The following PCSK5 variants were observed in gnomAD, a reference collection of about 807,000 sequenced individuals.
PCSK5 encodes the protein proprotein convertase subtilisin/kexin type 5, also known as prohormone convertase 5.
PCSK5 carries 129 observed loss-of-function variants against 233.2 expected under a neutral mutation model. The observed-to-expected ratio is 0.55, with a 90% CI of 0.48 to 0.64. The LOEUF is 0.64. Among genes scored for constraint, PCSK5 ranks in the 30% least tolerant of loss-of-function variants. The probability of loss-of-function intolerance (pLI) is 0.00; values close to 1 mark genes in which losing one functional copy is unlikely to be tolerated. For missense variants in PCSK5, 2,076 were observed against 2,430.1 expected, an observed-to-expected ratio of 0.85 and a Z score of 3.06; for synonymous variants, 825 against 879.2, an observed-to-expected ratio of 0.94 and a Z score of 1.09.
intron 11 of PCSK5, among the ~76,000 whole-genome samples, chr9:76,157,907 A>G (rs1278575471): frequency 6.6e-6 from 1 of 152,256 alleles, no homozygotes; most frequent in Non-Finnish European, 1.5e-5. Flanking sequence ...GCCAAGGGCT[A>G]GACACTTCAT....
chr9:76,238,795 T>C (rs1826333485), intron 22 of PCSK5, among the ~76,000 whole-genome samples, 164 bp from the exon 23 acceptor site: 1 of 152,234 alleles, frequency 6.6e-6, no homozygotes, highest in African/African-American at 2.4e-5. Context: ...ACTACAAGGA[T>C]GTAGCTATTG....
rs970380469 is a variant in PCSK5 at position 76,355,608 on chromosome 9, C to A, written c.5254+1389C>A. 5.6e-4 allele frequency among the ~76,000 whole-genome samples: 85 copies of A among 152,180 alleles called. 1 individual carries two copies. The highest frequency in any genetic ancestry group is 1.1e-3 in the Non-Finnish European group (78 of 68,032). ...AGCGATGCCATATTTGTGAGTTGGTCTATTTGTAAGTAAAGAAAATCCCAG... is the reference window on the plus strand; with the variant it reads ...AGCGATGCCATATTTGTGAGTTGGTATATTTGTAAGTAAAGAAAATCCCAG... On this transcript the variant is annotated intron_variant, in intron 37 of 37. Transcript: ENST00000674117.
chr9:75,942,871 C>CTT (rs1564098589), intron 2 of PCSK5, among the ~76,000 whole-genome samples: 2 of 141,418 alleles, frequency 1.4e-5, no homozygotes. Flanking sequence ...TGTGGTATTT[C>CTT]TTTTCTTCTT....
At chr9:75,989,808 A>G (rs1014991992) in intron 3 of PCSK5, among the ~76,000 whole-genome samples, 3 of 152,174 alleles carry the variant, frequency 2.0e-5, no homozygotes, top group Non-Finnish European at 4.4e-5. Flanking sequence ...CAGAAGTCAC[A>G]GACCCTTATT....
At chr9:76,301,809 A>T (rs2131424382) in intron 27 of PCSK5, among the ~76,000 whole-genome samples, 1 of 152,104 alleles carries the variant, frequency 6.6e-6, no homozygotes, top group South Asian at 2.1e-4. Flanking sequence ...GCGCCACCGC[A>T]CTCTGGCCTG....
chr9:76,351,059 AT>A (rs1166778707), intron 36 of PCSK5, 131 bp downstream of exon 36: 4 of 578,052 alleles, frequency 6.9e-6, no homozygotes, highest in Non-Finnish European at 1.2e-5. Flanking sequence ...TATGTTTAGT[AT>A]TTTAAAACCT....
intron 5 of PCSK5, among the ~76,000 whole-genome samples, chr9:76,060,757 T>C (rs1377004604): frequency 6.6e-6 from 1 of 152,206 alleles, no homozygotes; most frequent in Non-Finnish European, 1.5e-5. Flanking sequence ...AGACTTTGTA[T>C]TGTTAGCTAT....
chr9:76,085,266 C>T (rs1355045997), intron 7 of PCSK5, among the ~76,000 whole-genome samples: 1 of 152,196 alleles, frequency 6.6e-6, no homozygotes, highest in African/African-American at 2.4e-5. Flanking sequence ...ACTGATTTGG[C>T]ACACCCCTGA....
At chr9:76,075,070 A>G (rs1830597658) in intron 7 of PCSK5, among the ~76,000 whole-genome samples, 1 of 152,030 alleles carries the variant, frequency 6.6e-6, no homozygotes, top group Non-Finnish European at 1.5e-5. Flanking sequence ...AAATACAAAA[A>G]TTAGCTGGGT....
At chr9:75,919,822 G>T (rs1452684623) in intron 1 of PCSK5, among the ~76,000 whole-genome samples, 2 of 152,158 alleles carry the variant, frequency 1.3e-5, no homozygotes, top group Non-Finnish European at 2.9e-5. Context: ...CCATGGTACA[G>T]GTGCTAACTC....
At chr9:75,980,842 G>A (rs576632550) in intron 2 of PCSK5, among the ~76,000 whole-genome samples, 2 of 151,112 alleles carry the variant, frequency 1.3e-5, no homozygotes, top group East Asian at 3.9e-4. Context: ...AGAGCTTCTT[G>A]GAGCCACATG....
chr9:76,334,300 A>C (rs890372314), intron 34 of PCSK5, among the ~76,000 whole-genome samples: 5 of 152,234 alleles, frequency 3.3e-5, no homozygotes, highest in African/African-American at 1.2e-4. Flanking sequence ...AAACCATATC[A>C]CTGACTTTAA....
chr9:76,126,902 A>G (rs1241659664), intron 9 of PCSK5, among the ~76,000 whole-genome samples: 1 of 152,180 alleles, frequency 6.6e-6, no homozygotes, highest in African/African-American at 2.4e-5. Flanking sequence ...ATATATGCAC[A>G]TAACAAAATT....
intron 2 of PCSK5, among the ~76,000 whole-genome samples, chr9:75,979,347 T>C (rs1826171125): frequency 6.6e-6 from 1 of 152,190 alleles, no homozygotes; most frequent in Non-Finnish European, 1.5e-5. Flanking sequence ...GCCTAGGGCC[T>C]CATGCTTTAG....
chr9:76,289,500 CA>C (rs1564159503), intron 24 of PCSK5, among the ~76,000 whole-genome samples: 1 of 120,952 alleles, frequency 8.3e-6, no homozygotes, highest in Non-Finnish European at 1.8e-5. Flanking sequence ...CACACACACA[CA>C]CACACACACG....
At chr9:75,913,536 G>T (rs192467427) in intron 1 of PCSK5, among the ~76,000 whole-genome samples, 1 of 152,228 alleles carries the variant, frequency 6.6e-6, no homozygotes, top group Admixed American at 6.5e-5. Flanking sequence ...TGGGAACATG[G>T]GCTAGAAGAT....
chr9:76,255,549 AGT>A (rs1339228751), intron 24 of PCSK5, among the ~76,000 whole-genome samples: 2 of 152,204 alleles, frequency 1.3e-5, no homozygotes, highest in African/African-American at 4.8e-5. Context: ...GGCTAGGCTC[AGT>A]GGCTTACACC....
intron 24 of PCSK5, among the ~76,000 whole-genome samples, chr9:76,241,928 G>A (rs1243665566): frequency 6.6e-6 from 1 of 152,160 alleles, no homozygotes; most frequent in Non-Finnish European, 1.5e-5. Flanking sequence ...TGCAGATTCT[G>A]ATTCACTGAT....
intron 24 of PCSK5, among the ~76,000 whole-genome samples, chr9:76,265,880 AT>A (rs1285919999): frequency 6.6e-6 from 1 of 152,162 alleles, no homozygotes; most frequent in Non-Finnish European, 1.5e-5. Flanking sequence ...GTTTTCTGTA[AT>A]TTTGAAGTTA....
Sources: gnomAD v4.1 joint callset for allele counts (sites outside exome capture counted in the v4.1 genomes callset) on GRCh38, gnomAD v4.1.1 for gene constraint, MANE v1.5 for transcripts, NCBI Gene and HGNC (gene_info 2026-07-23, HGNC 2026-07-21) for gene names.